The following PCDHA9 variants were observed in gnomAD, a reference collection of about 807,000 sequenced individuals.
PCDHA9 encodes the protein protocadherin alpha-9.
Under a neutral mutation model 62.0 loss-of-function variants are expected in PCDHA9, and 62 were observed. That is an observed-to-expected ratio of 1.00 (90% CI 0.81 to 1.23). The LOEUF (loss-of-function observed/expected upper bound fraction) is 1.23. PCDHA9 is among the 50% of genes most tolerant of loss of function. The pLI, the probability that PCDHA9 is intolerant of heterozygous loss-of-function variation, is 0.00. For missense variants in PCDHA9, 1,205 were observed against 1,249.8 expected, an observed-to-expected ratio of 0.96 and a Z score of 0.54; for synonymous variants, 557 against 567.6, an observed-to-expected ratio of 0.98 and a Z score of 0.27.
intron 1 of PCDHA9, chr5:140,876,925 CAGA>C: frequency 6.2e-7 from 1 of 1,613,838 alleles, no homozygotes; most frequent in Non-Finnish European, 8.5e-7. Context: ...CGCGGACGCG[CAGA>C]AGAACGCGCT....
intron 1 of PCDHA9, among the ~76,000 whole-genome samples, chr5:140,878,853 A>G (rs565644052): frequency 1.3e-5 from 2 of 152,352 alleles, no homozygotes; most frequent in East Asian, 3.9e-4. Context: ...TCTGGGTTCA[A>G]CTGATCCTCC....
At chr5:140,867,399 A>C (rs1001723593) in intron 1 of PCDHA9, 2 of 152,166 alleles carry the variant, frequency 1.3e-5, no homozygotes, top group African/African-American at 4.8e-5. Flanking sequence ...AAAAGTTGAT[A>C]TGTCTCCTTT....
chr5:140,849,833 C>A lies in PCDHA9; in HGVS notation c.1338C>A (p.Ala446=). Residue 446 remains alanine (A), a synonymous_variant, in exon 1 of 4, where the codon GCC becomes GCA. Coordinates refer to ENST00000532602, the MANE Select transcript of PCDHA9 (RefSeq NM_031857.2). ...WATARVSVEV[A]DVNDNAPAFA... The stretch of plus-strand genomic sequence containing the variant: ...CGGCCAGGGTGTCTGTGGAGGTGGC[C>A]GACGTGAACGACAACGCACCAGCGT... 6.3e-7 allele frequency: 1 copy of A among 1,598,398 alleles called. No homozygotes were observed. Among genetic ancestry groups the A allele is most frequent in the South Asian group, 1.1e-5 (1 of 90,530 alleles).
intron 1 of PCDHA9, among the ~76,000 whole-genome samples, chr5:140,898,433 T>G (rs1253149141): frequency 6.6e-5 from 10 of 152,184 alleles, no homozygotes; most frequent in Non-Finnish European, 7.4e-5. Flanking sequence ...CCAGCACCAT[T>G]TATTAAATAG....
At chr5:140,985,377 A>G (rs782189204) in intron 3 of PCDHA9, among the ~76,000 whole-genome samples, 10 of 152,188 alleles carry the variant, frequency 6.6e-5, no homozygotes, top group Non-Finnish European at 5.9e-5. Context: ...CTGGGTCTAT[A>G]TAATCCAGTC....
intron 3 of PCDHA9, among the ~76,000 whole-genome samples, chr5:141,007,654 C>T (rs1461130528): frequency 6.6e-6 from 1 of 152,052 alleles, no homozygotes; most frequent in Non-Finnish European, 1.5e-5. Context: ...CCTAAAAAAC[C>T]ATAAATTTAC....
chr5:140,941,175 C>T (rs1344326389), intron 1 of PCDHA9, among the ~76,000 whole-genome samples: 1 of 145,416 alleles, frequency 6.9e-6, no homozygotes, highest in Admixed American at 6.8e-5. Context: ...CCATCTTGAA[C>T]ATCCTGCTTC....
At chr5:140,978,805 T>G in intron 1 of PCDHA9, 144 bp from the exon 2 acceptor site, 4 of 1,492,524 alleles carry the variant, frequency 2.7e-6, no homozygotes, top group Non-Finnish European at 3.6e-6. Flanking sequence ...GTAGATATCA[T>G]CATAGAGTTA....
Position 140,982,561 on chromosome 5 carries a change from C to T in PCDHA9, c.2540C>T (p.Pro847Leu), listed in dbSNP as rs560422677. 11 of 1,614,060 alleles carry T rather than the reference C, an allele frequency of 6.8e-6. No individual in the cohort carries two copies. Among genetic ancestry groups the T allele is most frequent in the Non-Finnish European group, 9.3e-6 (11 of 1,179,970 alleles). Residue 847 changes from proline to leucine, a missense_variant and splice_region_variant, in exon 3 of 4, where the codon CCA becomes CTA. Pro to Leu is a moderately conservative substitution (Grantham distance 98). Around this residue, in one of 3 missense-constraint regions of PCDHA9, gnomAD observed 887 missense variants for 809.5 expected, o/e 1.10. Coordinates refer to ENST00000532602, the MANE Select transcript of PCDHA9 (RefSeq NM_031857.2). Reference protein sequence around the residue: ...QQWPTVSSATPEPEAGEVSPP... With the variant: ...QQWPTVSSATLEPEAGEVSPP... ...TGGCCAACAGTATCCAGTGCAACAC[C>T]AGGTAAAGAGCTGGGGTCTCTCCAT...
At chr5:140,948,764 G>T (rs962710607) in intron 1 of PCDHA9, among the ~76,000 whole-genome samples, 1 of 150,728 alleles carries the variant, frequency 6.6e-6, no homozygotes, top group African/African-American at 2.4e-5. Flanking sequence ...GATTTTTTTC[G>T]AATAGCCAGC....
In PCDHA9 at chr5:140,857,751, C is replaced by T. The variant is rs2044861068; in HGVS notation, c.2394+6862C>T. The T allele has an allele frequency of 3.1e-6, 5 of 1,597,310 alleles. 1 individual carries two copies. Among genetic ancestry groups the T allele is most frequent in the East Asian group, 4.5e-5 (2 of 44,822 alleles). ...AACGCTCCCGCGCTGCTGGCGTCTCCCGCTGGCAGCGCGGGCGGTGCAGTC... is the reference window on the plus strand; with the variant it reads ...AACGCTCCCGCGCTGCTGGCGTCTCTCGCTGGCAGCGCGGGCGGTGCAGTC... On this transcript the variant is annotated intron_variant, in intron 1 of 3. Coordinates refer to ENST00000532602, the MANE Select transcript of PCDHA9 (RefSeq NM_031857.2).
At chr5:140,997,291 G>C (rs2097766119) in intron 3 of PCDHA9, among the ~76,000 whole-genome samples, 1 of 152,030 alleles carries the variant, frequency 6.6e-6, no homozygotes, top group African/African-American at 2.4e-5. Flanking sequence ...TTAACAATGG[G>C]GATACACTGA....
chr5:140,874,211 A>G (rs1257270226), intron 1 of PCDHA9, among the ~76,000 whole-genome samples: 1 of 152,220 alleles, frequency 6.6e-6, no homozygotes, highest in African/African-American at 2.4e-5. Context: ...CTTTATTATT[A>G]TATGCAGTAG....
intron 1 of PCDHA9, chr5:140,869,211 G>A (rs375218342): frequency 1.2e-6 from 2 of 1,613,956 alleles, no homozygotes; most frequent in Admixed American, 1.7e-5. Flanking sequence ...ACTCCGTCTC[G>A]GAGGAGGCCA....
At chr5:140,955,965 T>C (rs2095242955) in intron 1 of PCDHA9, among the ~76,000 whole-genome samples, 1 of 152,204 alleles carries the variant, frequency 6.6e-6, no homozygotes, top group Admixed American at 6.5e-5. Context: ...TGTTTGTGCA[T>C]AGGAATGCTA....
intron 1 of PCDHA9, chr5:140,875,737 C>G: frequency 2.5e-6 from 4 of 1,614,224 alleles, no homozygotes; most frequent in Non-Finnish European, 3.4e-6. Flanking sequence ...TGTGAATTCT[C>G]GGATCGACCG....
At position 140,848,936 on chromosome 5, in the gene PCDHA9, G is replaced by T. The variant is rs2150425486; in HGVS notation, c.441G>T (p.Pro147=). Residue 147 remains proline, a synonymous_variant, in exon 1 of 4, where the codon CCG becomes CCT. Coordinates refer to ENST00000532602, the MANE Select transcript of PCDHA9 (RefSeq NM_031857.2). ...ATCTGTTCATCGCGGAATCCAGGCC[G>T]CTTGACTCTCGGTTTCCACTAGAGG... ...QKNLFIAESR[P]LDSRFPLEGA... The T allele has an allele frequency of 3.7e-6, 6 of 1,607,362 alleles. 1 individual carries two copies. The highest frequency in any genetic ancestry group is 4.5e-5 in the East Asian group (2 of 44,818).
At chr5:140,960,063 T>G (rs1461377026) in intron 1 of PCDHA9, among the ~76,000 whole-genome samples, 1 of 152,232 alleles carries the variant, frequency 6.6e-6, no homozygotes, top group Non-Finnish European at 1.5e-5. Flanking sequence ...GTACAGAAGA[T>G]TCAATTGAAG....
rs2150497616 is a variant in PCDHA9, at chr5:140,850,770, T to C, written c.2275T>C (p.Cys759Arg). The change falls in exon 1 of 4, where the codon TGC (cysteine) becomes CGC (arginine). Residue 759 changes from cysteine (C) to arginine (R), a missense_variant. Around this residue, in one of 3 missense-constraint regions of PCDHA9, gnomAD observed 887 missense variants for 809.5 expected, o/e 1.10. Coordinates refer to ENST00000532602, the MANE Select transcript of PCDHA9 (RefSeq NM_031857.2). ...CTCGCAGCAGAGGAGGCAGAGGGTG[T>C]GCTCTGGCGAGGGTAAGCAGAAGAC... ...SYSQQRRQRV[C>R]SGEGKQKTDL... 1 of 1,598,038 alleles carries C rather than the reference T, an allele frequency of 6.3e-7. No homozygotes were observed. Among genetic ancestry groups the C allele is most frequent in the Non-Finnish European group, 8.6e-7 (1 of 1,167,666 alleles).
Sources: allele counts gnomAD v4.1 joint callset (sites outside exome capture counted in the v4.1 genomes callset), GRCh38; gene constraint gnomAD v4.1.1; regional missense constraint gnomAD v4.1.1; transcripts MANE v1.5; gene names NCBI Gene and HGNC (gene_info 2026-07-23, HGNC 2026-07-21).